GPHN: variants seen among roughly 807,000 people sequenced by gnomAD.
GPHN encodes the protein gephyrin.
Under a neutral mutation model 95.5 loss-of-function variants are expected in GPHN, and 17 were observed. That is an observed-to-expected ratio of 0.18 (90% CI 0.12 to 0.27). The LOEUF (loss-of-function observed/expected upper bound fraction) is 0.27. Ranked by LOEUF, GPHN falls within the 10% of genes least tolerant of loss-of-function variation. The pLI, the probability that GPHN is intolerant of heterozygous loss-of-function variation, is 1.00. For missense variants in GPHN, 660 were observed against 978.1 expected, an observed-to-expected ratio of 0.67 and a Z score of 4.34; for synonymous variants, 320 against 322.5, an observed-to-expected ratio of 0.99 and a Z score of 0.08.
chr14:67,128,662 C>T (rs996891200), intron 17 of GPHN, among the ~76,000 whole-genome samples: 51 of 152,158 alleles, frequency 3.4e-4, no homozygotes, highest in Middle Eastern at 3.4e-3. Context: ...AAGGGCCAGC[C>T]ACTGTGGCTC....
chr14:67,616,614 T>C, the GPHN span: 1 of 151,974 alleles, frequency 6.6e-6, no homozygotes, highest in African/African-American at 2.4e-5. Context: ...ATAATTTGAA[T>C]TGTTAAAGAT....
the GPHN span, among the ~76,000 whole-genome samples, chr14:67,225,962 T>TGTGTGTGTGTGC: frequency 6.4e-3 from 731 of 113,438 alleles, 5 homozygotes; most frequent in Middle Eastern, 0.013. Context: ...TGTGTGTGTG[T>TGTGTGTGTGTGC]GCGCGCGCGC....
chr14:67,188,987 G>A, the GPHN span, among the ~76,000 whole-genome samples: 4 of 152,036 alleles, frequency 2.6e-5, no homozygotes, highest in South Asian at 2.1e-4. Context: ...CACTGCGCCC[G>A]GCCTCAGCTC....
chr14:67,388,398 G>A, the GPHN span: 1 of 766,978 alleles, frequency 1.3e-6, no homozygotes, highest in South Asian at 1.4e-5. Flanking sequence ...AGAAGTGAGT[G>A]CAAATCATTT....
rs118095976 is a variant in GPHN at position 66,526,122 on chromosome 14, G to A, written c.64+17531G>A. On this transcript the variant is annotated intron_variant, in intron 1 of 22. Transcript: ENST00000478722. ...CTGATTCTCCCTATCCATTAGCATGGAATGTTTTTCCATTTCATTGTGTCC... is the reference window on the plus strand; with the variant it reads ...CTGATTCTCCCTATCCATTAGCATGAAATGTTTTTCCATTTCATTGTGTCC... Among the ~76,000 whole-genome samples the A allele has an allele frequency of 8.4e-3, 1,281 of 152,184 alleles. 2 individuals are homozygous for A. Among genetic ancestry groups the A allele is most frequent in the Non-Finnish European group, 0.015 (1,031 of 67,998 alleles).
intron 21 of GPHN, among the ~76,000 whole-genome samples, chr14:67,175,830 A>G (rs190637897): frequency 6.6e-6 from 1 of 151,912 alleles, no homozygotes; most frequent in African/African-American, 2.4e-5. Context: ...ATTTTATTCT[A>G]TTTGTATCAA....
chr14:67,269,485 C>T, the GPHN span, among the ~76,000 whole-genome samples: 1 of 152,078 alleles, frequency 6.6e-6, no homozygotes, highest in African/African-American at 2.4e-5. Context: ...TTTGACATTC[C>T]TAACAGCACT....
intron 1 of GPHN, among the ~76,000 whole-genome samples, chr14:66,578,654 GAAA>G (rs574302625): frequency 3.4e-5 from 2 of 59,680 alleles, no homozygotes; most frequent in East Asian, 5.3e-4. Flanking sequence ...GGGATAGAGT[GAAA>G]AAAAAAAAAA....
At chr14:66,703,536 G>A (rs1445290219) in intron 2 of GPHN, among the ~76,000 whole-genome samples, 1 of 145,844 alleles carries the variant, frequency 6.9e-6, no homozygotes, top group Non-Finnish European at 1.5e-5. Flanking sequence ...TTCATATCTA[G>A]CCAAACTAAA....
At chr14:66,734,158 C>G (rs929067164) in intron 2 of GPHN, among the ~76,000 whole-genome samples, 1 of 152,078 alleles carries the variant, frequency 6.6e-6, no homozygotes, top group African/African-American at 2.4e-5. Context: ...TTTTATTAAC[C>G]GTAAATCAGA....
chr14:66,823,302 G>A (rs946138936), intron 3 of GPHN: 1 of 152,122 alleles, frequency 6.6e-6, no homozygotes, highest in African/African-American at 2.4e-5. Context: ...CACCCAGCTG[G>A]TTTTTTTATA....
At chr14:66,688,365 A>G (rs1423836534) in intron 2 of GPHN, among the ~76,000 whole-genome samples, 5 of 152,150 alleles carry the variant, frequency 3.3e-5, no homozygotes, top group African/African-American at 4.8e-5. Context: ...TGTAACATTT[A>G]TGGAAAAAAG....
At chr14:67,095,969 A>C (rs2077369821) in intron 12 of GPHN, among the ~76,000 whole-genome samples, 1 of 76,490 alleles carries the variant, frequency 1.3e-5, no homozygotes, top group African/African-American at 2.7e-4. Flanking sequence ...AAAAAGGCAA[A>C]AAAAAAAAAA....
the GPHN span, among the ~76,000 whole-genome samples, chr14:67,287,377 TTAAG>T: frequency 6.6e-6 from 1 of 152,102 alleles, no homozygotes; most frequent in African/African-American, 2.4e-5. Context: ...TGAAATTATA[TTAAG>T]TATGTTCTAG....
intron 1 of GPHN, among the ~76,000 whole-genome samples, chr14:66,649,194 C>T (rs1363552588): frequency 1.3e-5 from 2 of 151,920 alleles, no homozygotes; most frequent in East Asian, 1.9e-4. Flanking sequence ...ATTAGCAGGG[C>T]GTGGTGGCGT....
intron 4 of GPHN, among the ~76,000 whole-genome samples, chr14:66,863,805 C>A (rs113193623): frequency 0.011 from 1,656 of 152,094 alleles, 24 homozygotes; most frequent in African/African-American, 0.037. Flanking sequence ...TCTTGCCATA[C>A]AAAAATCAAA....
intron 5 of GPHN, among the ~76,000 whole-genome samples, chr14:66,903,540 G>C (rs1361866730): frequency 2.6e-5 from 4 of 152,110 alleles, no homozygotes; most frequent in African/African-American, 9.7e-5. Flanking sequence ...TGTCTTTAGA[G>C]ACGAAGTGGA....
At chr14:66,921,033 A>G (rs1390348444) in intron 6 of GPHN, among the ~76,000 whole-genome samples, 2 of 152,176 alleles carry the variant, frequency 1.3e-5, no homozygotes, top group Non-Finnish European at 1.5e-5. Context: ...CGATTTTGCA[A>G]TTATGAATTA....
At chr14:67,350,707 C>A in the GPHN span, 3 of 1,608,836 alleles carry the variant, frequency 1.9e-6, no homozygotes, top group South Asian at 1.1e-5. Context: ...AAGCATAAAC[C>A]AACAGCAGAT....
Sources: gnomAD v4.1 joint callset for allele counts (sites outside exome capture counted in the v4.1 genomes callset) on GRCh38, gnomAD v4.1.1 for gene constraint, MANE v1.5 for transcripts, NCBI Gene and HGNC (gene_info 2026-07-23, HGNC 2026-07-21) for gene names.